The following CPXM2 variants were observed in gnomAD, a reference collection of about 807,000 sequenced individuals.
CPXM2 encodes the protein carboxypeptidase X, M14 family member 2, also known as inactive carboxypeptidase-like protein X2.
In CPXM2, 66 loss-of-function variants were observed where a neutral mutation model predicts 86.1. The observed-to-expected ratio is 0.77, with a 90% CI of 0.63 to 0.94. The LOEUF is 0.94. Ranked by LOEUF, CPXM2 falls within the 40% of genes least tolerant of loss-of-function variation. The pLI is 0.00. For synonymous variants in CPXM2, 388 were observed against 400.2 expected (o/e 0.97, Z 0.36); for missense variants, 948 against 1,026.3 (o/e 0.92, Z 1.04).
At chr10:123,870,813 C>T (rs1590086179) in intron 2 of CPXM2, among the ~76,000 whole-genome samples, 1 of 152,316 alleles carries the variant, frequency 6.6e-6, no homozygotes, top group East Asian at 1.9e-4. Context: ...AGGAAAGGTG[C>T]CCTAACCCCT....
At chr10:123,800,447 G>A (rs917633113) in intron 4 of CPXM2, among the ~76,000 whole-genome samples, 11 of 152,112 alleles carry the variant, frequency 7.2e-5, no homozygotes, top group African/African-American at 2.2e-4. Context: ...AAAGCACCTC[G>A]GCAACAGCTC....
At chr10:123,780,362 G>T in intron 6 of CPXM2, 107 bp from the exon 7 acceptor site, 1 of 759,044 alleles carries the variant, frequency 1.3e-6, no homozygotes, top group Non-Finnish European at 2.3e-6. Flanking sequence ...CCAATCTCTA[G>T]CTTCTAACGT....
At chr10:123,774,507 C>G (rs1193733999) in intron 7 of CPXM2, among the ~76,000 whole-genome samples, 1 of 152,136 alleles carries the variant, frequency 6.6e-6, no homozygotes, top group Non-Finnish European at 1.5e-5. Flanking sequence ...CCTTTCATAA[C>G]ACAACATTCT....
chr10:123,938,874 T>C (rs1945747597), intron 2 of CPXM2, among the ~76,000 whole-genome samples: 1 of 152,044 alleles, frequency 6.6e-6, no homozygotes, highest in Non-Finnish European at 1.5e-5. Flanking sequence ...CAGGTGACTT[T>C]CACTGGGGGA....
At chr10:123,757,710 T>C (rs1014782683) in intron 11 of CPXM2, among the ~76,000 whole-genome samples, 11 of 152,214 alleles carry the variant, frequency 7.2e-5, no homozygotes, top group Non-Finnish European at 1.5e-4. Context: ...CTATAGGTTT[T>C]AAGTGTTTGA....
chr10:123,844,983 A>C (rs1848468442), intron 3 of CPXM2, among the ~76,000 whole-genome samples: 1 of 150,640 alleles, frequency 6.6e-6, no homozygotes, highest in African/African-American at 2.4e-5. Context: ...CAGGAGAATC[A>C]CTTGAACCGG....
At chr10:123,825,254 G>A (rs1848021855) in intron 4 of CPXM2, among the ~76,000 whole-genome samples, 1 of 152,134 alleles carries the variant, frequency 6.6e-6, no homozygotes, top group Non-Finnish European at 1.5e-5. Context: ...GAGAGGAAGG[G>A]GGCAGGGTGA....
At position 123,761,882 on chromosome 10, in the gene CPXM2, G is replaced by A. The variant is rs768602178; in HGVS notation, c.1767C>T (p.Thr589=). 1.2e-5 allele frequency: 19 copies of A among 1,613,120 alleles called. No homozygotes were observed. The highest frequency in any genetic ancestry group is 6.7e-5 in the East Asian group (3 of 44,870). The part of the protein sequence containing the change: ...EGTVNGASWH[T]VAGSLNDFSY... ...CAGAGGGAGGCTTACTTCCAGCGAC[G>A]GTGTGCCAGGAGGCCCCATTGACAG... is the stretch of plus-strand genomic sequence containing the variant. Residue 589 remains threonine, a synonymous_variant, in exon 11 of 14, where the codon ACC becomes ACT. Transcript: ENST00000241305.
At chr10:123,750,091 T>C (rs972322626) in intron 13 of CPXM2, 2 of 984,204 alleles carry the variant, frequency 2.0e-6, no homozygotes, top group African/African-American at 3.5e-5. Context: ...GTGCCGAGGA[T>C]TACAGGCATG....
intron 4 of CPXM2, among the ~76,000 whole-genome samples, chr10:123,808,278 T>G (rs141585433): frequency 2.6e-5 from 4 of 152,280 alleles, no homozygotes; most frequent in South Asian, 4.1e-4. Flanking sequence ...TACAACTAGT[T>G]TCTGGTGACA....
At chr10:123,906,440 G>A (rs60070463) in intron 2 of CPXM2, among the ~76,000 whole-genome samples, 3,792 of 152,190 alleles carry the variant, frequency 0.025, 160 homozygotes, top group African/African-American at 0.087. Context: ...AGACAGCTAC[G>A]GGATCTTAAT....
intron 2 of CPXM2, among the ~76,000 whole-genome samples, chr10:123,907,104 TAG>T (rs1398892458): frequency 1.5e-4 from 23 of 152,310 alleles, no homozygotes; most frequent in African/African-American, 5.5e-4. Flanking sequence ...TTCTAAATAG[TAG>T]AGTTTCCAGG....
chr10:123,776,265 G>C (rs1846785103), intron 7 of CPXM2, among the ~76,000 whole-genome samples: 1 of 152,166 alleles, frequency 6.6e-6, no homozygotes, highest in Non-Finnish European at 1.5e-5. Context: ...GGGTAGTAAT[G>C]AAAAAGAATG....
At chr10:123,797,616 G>A (rs1847361142) in intron 6 of CPXM2, among the ~76,000 whole-genome samples, 1 of 72,696 alleles carries the variant, frequency 1.4e-5, no homozygotes, top group East Asian at 4.4e-4. Context: ...GTGGAGTGTA[G>A]TGGTGCTATT....
intron 2 of CPXM2, among the ~76,000 whole-genome samples, chr10:123,933,555 T>TA (rs1362593523): frequency 6.6e-6 from 1 of 151,906 alleles, no homozygotes; most frequent in Non-Finnish European, 1.5e-5. Flanking sequence ...CCATCTCTAC[T>TA]AAAAATACAA....
intron 4 of CPXM2, among the ~76,000 whole-genome samples, chr10:123,812,045 A>G (rs1203666694): frequency 2.0e-5 from 3 of 152,210 alleles, no homozygotes; most frequent in Non-Finnish European, 4.4e-5. Flanking sequence ...ATACCTTCCA[A>G]CCCAGCATTA....
At chr10:123,830,341 CT>C (rs923462732) in intron 4 of CPXM2, among the ~76,000 whole-genome samples, 1 of 152,192 alleles carries the variant, frequency 6.6e-6, no homozygotes, top group African/African-American at 2.4e-5. Context: ...CAGCAATCAC[CT>C]TGCTGGTTAG....
intron 2 of CPXM2, among the ~76,000 whole-genome samples, chr10:123,938,310 A>G (rs1470199132): frequency 6.6e-6 from 1 of 152,208 alleles, no homozygotes; most frequent in East Asian, 1.9e-4. Flanking sequence ...CACTCAGACA[A>G]TGAAAGACAG....
chr10:123,917,142 G>A (rs1322369349), intron 2 of CPXM2, among the ~76,000 whole-genome samples: 1 of 152,168 alleles, frequency 6.6e-6, no homozygotes, highest in African/African-American at 2.4e-5. Flanking sequence ...GAGAGTAGGA[G>A]ATGAAAATAG....
Sources: allele counts gnomAD v4.1 joint callset (sites outside exome capture counted in the v4.1 genomes callset), GRCh38; gene constraint gnomAD v4.1.1; transcripts MANE v1.5; gene names NCBI Gene and HGNC (gene_info 2026-07-23, HGNC 2026-07-21).